MTMR7: variants seen among roughly 807,000 people sequenced by gnomAD.
The protein encoded by MTMR7 is phosphatidylinositol-3-phosphate phosphatase MTMR7.
MTMR7 carries 76 observed loss-of-function variants against 81.2 expected under a neutral mutation model. The observed-to-expected ratio is 0.94, with a 90% CI of 0.78 to 1.13. The LOEUF is 1.13. MTMR7 is among the 50% of genes most tolerant of loss of function. The pLI is 0.00. For synonymous variants in MTMR7, 372 were observed against 289.8 expected, an observed-to-expected ratio of 1.28 and a Z score of -2.88; for missense variants, 1,044 against 820.0, an observed-to-expected ratio of 1.27 and a Z score of -3.34.
At chr8:17,383,094 G>A (rs1820813289) in intron 1 of MTMR7, among the ~76,000 whole-genome samples, 1 of 151,896 alleles carries the variant, frequency 6.6e-6, no homozygotes, top group Non-Finnish European at 1.5e-5. Context: ...GGGGGGTGTG[G>A]AAGGTCCCAG....
At chr8:17,322,950 CTT>C (rs58584179) in intron 7 of MTMR7, among the ~76,000 whole-genome samples, 14 of 125,740 alleles carry the variant, frequency 1.1e-4, no homozygotes, top group Admixed American at 3.5e-4. Flanking sequence ...ATTGAATTAT[CTT>C]TTTTTTTTTT....
At chr8:17,411,730 G>C (rs10503594) in intron 1 of MTMR7, among the ~76,000 whole-genome samples, 8,897 of 152,194 alleles carry the variant, frequency 0.058, 754 homozygotes, top group African/African-American at 0.19. Context: ...TTAAGAGTAA[G>C]AACACTGCTT....
chr8:17,399,493 T>A (rs1038019335), intron 1 of MTMR7, among the ~76,000 whole-genome samples: 6 of 152,100 alleles, frequency 3.9e-5, no homozygotes, highest in African/African-American at 1.4e-4. Flanking sequence ...CACACAAAAA[T>A]GGAAAGATAT....
At chr8:17,334,833 G>A (rs1315372752) in intron 6 of MTMR7, among the ~76,000 whole-genome samples, 1 of 152,192 alleles carries the variant, frequency 6.6e-6, no homozygotes, top group Non-Finnish European at 1.5e-5. Flanking sequence ...CTGTCGGCCT[G>A]GGGATCAGGG....
intron 1 of MTMR7, among the ~76,000 whole-genome samples, chr8:17,388,117 C>T (rs1269731117): frequency 6.6e-6 from 1 of 151,992 alleles, no homozygotes; most frequent in Non-Finnish European, 1.5e-5. Context: ...CAGCAGCCAA[C>T]GCTCATAAAT....
chr8:17,352,638 G>C (rs1171330138), intron 4 of MTMR7, among the ~76,000 whole-genome samples: 1 of 152,048 alleles, frequency 6.6e-6, no homozygotes, highest in Non-Finnish European at 1.5e-5. Flanking sequence ...ATACATCAAA[G>C]GACACAATCA....
chr8:17,318,321 C>G (rs1204334460), intron 7 of MTMR7, among the ~76,000 whole-genome samples: 1 of 152,100 alleles, frequency 6.6e-6, no homozygotes, highest in Non-Finnish European at 1.5e-5. Flanking sequence ...TTCCACAGTT[C>G]TGTGGAGTCC....
chr8:17,355,873 C>T (rs1819875326), intron 4 of MTMR7, among the ~76,000 whole-genome samples: 1 of 152,130 alleles, frequency 6.6e-6, no homozygotes, highest in African/African-American at 2.4e-5. Context: ...AAAACCACAT[C>T]GAGATCCAAT....
At chr8:17,352,412 C>T (rs7812432) in intron 4 of MTMR7, among the ~76,000 whole-genome samples, 38 of 151,804 alleles carry the variant, frequency 2.5e-4, no homozygotes, top group African/African-American at 5.1e-4. Context: ...AATAAAATAA[C>T]GATGGGTCAT....
At chr8:17,340,859 C>T (rs2150541507) in intron 6 of MTMR7, among the ~76,000 whole-genome samples, 1 of 152,306 alleles carries the variant, frequency 6.6e-6, no homozygotes, top group Non-Finnish European at 1.5e-5. Context: ...CACCTTTTTA[C>T]ACACCTAGAA....
intron 7 of MTMR7, among the ~76,000 whole-genome samples, chr8:17,321,778 C>T (rs963071253): frequency 6.6e-6 from 1 of 152,148 alleles, no homozygotes; most frequent in Non-Finnish European, 1.5e-5. Flanking sequence ...CTTACTAATC[C>T]TGAGTTTCAT....
At chr8:17,396,735 G>A (rs1351512208) in intron 1 of MTMR7, among the ~76,000 whole-genome samples, 1 of 151,990 alleles carries the variant, frequency 6.6e-6, no homozygotes, top group Non-Finnish European at 1.5e-5. Flanking sequence ...GGCCTAGGGA[G>A]ACACAAGCTG....
intron 1 of MTMR7, among the ~76,000 whole-genome samples, chr8:17,382,845 C>T (rs991893338): frequency 4.6e-5 from 7 of 152,172 alleles, no homozygotes; most frequent in African/African-American, 1.4e-4. Flanking sequence ...CAAAAATGAA[C>T]ATTAATATTG....
chr8:17,313,364 C>G lies in MTMR7; in HGVS notation c.903G>C (p.Leu301=). ...ACCAGCCAGAGTTCTCCAGACCCCA[C>G]AGGAAATCACTCATGGAGGGAGATT... The part of the protein sequence containing the change: ...ELKSPSMSDF[L]WGLENSGWLR... Residue 301 remains leucine, a synonymous_variant, in exon 8 of 14, where the codon CTG becomes CTC. Transcript: ENST00000180173. 1.2e-6 allele frequency: 2 copies of G among 1,612,780 alleles called. No homozygotes were observed. The highest frequency in any genetic ancestry group is 2.2e-5 in the East Asian group (1 of 44,886).
chr8:17,385,280 T>C (rs1339539812), intron 1 of MTMR7, among the ~76,000 whole-genome samples: 3 of 151,970 alleles, frequency 2.0e-5, no homozygotes, highest in Non-Finnish European at 4.4e-5. Flanking sequence ...ACCATCCCTC[T>C]TGGTACTTGA....
chr8:17,313,328 A>T lies in MTMR7; in HGVS notation c.939T>A (p.Ile313=), dbSNP rs1407912918. 1 of 1,613,296 alleles carries T rather than the reference A, an allele frequency of 6.2e-7. No individual in the cohort carries two copies. Among genetic ancestry groups the T allele is most frequent in the African/African-American group, 1.3e-5 (1 of 74,920 alleles). The stretch of plus-strand genomic sequence containing the variant: ...AGATTCCTGCATCCATTATGGCTTT[A>T]ATGTGCCTTAACCAGCCAGAGTTCT... ...GLENSGWLRH[I]KAIMDAGIFI... is the part of the protein sequence containing the mutation. The change falls in exon 8 of 14, where the codon ATT becomes ATA. Residue 313 remains isoleucine (I), a synonymous_variant. Coordinates refer to ENST00000180173, the MANE Select transcript of MTMR7 (RefSeq NM_004686.5).
At chr8:17,309,543 T>C (rs188795163) in intron 9 of MTMR7, among the ~76,000 whole-genome samples, 17 of 152,290 alleles carry the variant, frequency 1.1e-4, no homozygotes, top group African/African-American at 4.1e-4. Context: ...GAAATGGATG[T>C]ATAAAAATGC....
intron 1 of MTMR7, among the ~76,000 whole-genome samples, chr8:17,412,495 A>C (rs1301253731): frequency 1.3e-5 from 2 of 152,112 alleles, no homozygotes; most frequent in African/African-American, 4.8e-5. Context: ...TTTTCATTCT[A>C]AATTAGATTA....
chr8:17,297,790 A>AAAGTT lies in MTMR7; in HGVS notation c.*2067_*2071dup, dbSNP rs564365501. The stretch of plus-strand genomic sequence containing the variant: ...TCTGAAGAATCTGTGAAAGTACAGT[A>AAAGTT]AAGTTTTAATAAGCAATAAATGTAA... On this transcript the variant is annotated 3_prime_UTR_variant, in exon 14 of 14. Coordinates refer to ENST00000180173, the MANE Select transcript of MTMR7 (RefSeq NM_004686.5). 30 of 152,142 alleles carry AAAGTT rather than the reference A, an allele frequency of 2.0e-4. No individual in the cohort carries two copies. In the East Asian group the frequency reaches 2.7e-3, roughly 14 times the overall value. The allele number at this position is 152,142 out of a possible 1,614,324, so 9.4% of individuals were successfully genotyped here.
Sources: gnomAD v4.1 joint callset for allele counts (sites outside exome capture counted in the v4.1 genomes callset) on GRCh38, gnomAD v4.1.1 for gene constraint, MANE v1.5 for transcripts, NCBI Gene and HGNC (gene_info 2026-07-23, HGNC 2026-07-21) for gene names.